The following FBLN5 variants were observed in gnomAD, a reference collection of about 807,000 sequenced individuals.
FBLN5 encodes the protein fibulin-5.
A neutral mutation model predicts 61.6 loss-of-function variants in FBLN5; 24 were observed. The observed-to-expected ratio is 0.39, with a 90% CI of 0.28 to 0.55. The LOEUF (loss-of-function observed/expected upper bound fraction) is 0.55, where lower values mean the gene tolerates loss of function less well. Among genes scored for constraint, FBLN5 ranks in the 20% least tolerant of loss-of-function variants. The probability of loss-of-function intolerance (pLI) is 0.65; values close to 1 mark genes in which losing one functional copy is unlikely to be tolerated. For synonymous variants in FBLN5, 213 were observed against 219.8 expected (o/e 0.97, Z 0.27); for missense variants, 470 against 594.1 (o/e 0.79, Z 2.17).
intron 4 of FBLN5, among the ~76,000 whole-genome samples, chr14:91,904,981 C>T (rs1890621166): frequency 6.6e-6 from 1 of 152,170 alleles, no homozygotes; most frequent in South Asian, 2.1e-4. Context: ...ATACACCTTC[C>T]TGGCCTGAAA....
intron 9 of FBLN5, 151 bp downstream of exon 9, chr14:91,881,141 A>C (rs969601721): frequency 1.3e-6 from 1 of 747,384 alleles, no homozygotes; most frequent in South Asian, 1.5e-5. Context: ...ACACACACAC[A>C]CACACACACA....
At chr14:91,887,560 C>T (rs1416622771) in intron 6 of FBLN5, among the ~76,000 whole-genome samples, 3 of 152,078 alleles carry the variant, frequency 2.0e-5, no homozygotes, top group South Asian at 4.2e-4. Context: ...CATATGTATA[C>T]ACATGATATA....
intron 9 of FBLN5, among the ~76,000 whole-genome samples, chr14:91,878,433 C>G (rs975449763): frequency 2.0e-5 from 3 of 152,290 alleles, no homozygotes; most frequent in Admixed American, 6.5e-5. Context: ...CCTAACACCC[C>G]CTTCCTCTGT....
chr14:91,943,888 A>G lies in FBLN5; in HGVS notation c.18-927T>C, dbSNP rs1397739825. Among the ~76,000 whole-genome samples, 2 of 151,990 alleles carry G rather than the reference A, an allele frequency of 1.3e-5. No individual in the cohort carries two copies. Among genetic ancestry groups the G allele is most frequent in the Non-Finnish European group, 2.9e-5 (2 of 67,992 alleles). On this transcript the variant is annotated intron_variant, in intron 1 of 10. Coordinates refer to ENST00000342058, the MANE Select transcript of FBLN5 (RefSeq NM_006329.4). The surrounding 1 kb of genome is among the most constrained non-coding windows in gnomAD (Gnocchi z 4.0). ...ACCTGCACAGCCCAGGGAAAATGAA[A>G]CCCGCGGGAAAACAGGAGGAGGAGT...
At chr14:91,894,449 C>G (rs1396900190) in intron 5 of FBLN5, among the ~76,000 whole-genome samples, 2 of 132,770 alleles carry the variant, frequency 1.5e-5, no homozygotes, top group African/African-American at 5.5e-5. Context: ...CATTCAAGGC[C>G]GTGCGTGGTG....
rs1216984170 is a variant in FBLN5 at position 91,947,566 on chromosome 14, A to G, written c.-337T>C. 4.7e-6 allele frequency: 2 copies of G among 425,690 alleles called. No homozygotes were observed. Among genetic ancestry groups the G allele is most frequent in the Non-Finnish European group, 8.7e-6 (2 of 230,822 alleles). 26.4% of individuals were successfully genotyped at this position (425,690 alleles called of 1,614,324 possible). Reference sequence around the variant, plus strand: ...CTCAGTCTGGACACAGCTGGTTCAGATTACAGCGCTCACCAACTGGCTAGA... The same window carrying G: ...CTCAGTCTGGACACAGCTGGTTCAGGTTACAGCGCTCACCAACTGGCTAGA... On this transcript the variant is annotated 5_prime_UTR_variant, in exon 1 of 11. Coordinates refer to ENST00000342058, the MANE Select transcript of FBLN5 (RefSeq NM_006329.4). This position sits in a 1 kb window ranked among gnomAD's most constrained non-coding sequence, Gnocchi z 4.3.
intron 4 of FBLN5, among the ~76,000 whole-genome samples, chr14:91,905,164 C>T (rs191065724): frequency 6.6e-6 from 1 of 152,168 alleles, no homozygotes; most frequent in Non-Finnish European, 1.5e-5. Flanking sequence ...CGCACGTGCA[C>T]CCTTCCCATG....
intron 4 of FBLN5, among the ~76,000 whole-genome samples, chr14:91,898,924 C>T (rs1890340080): frequency 6.6e-6 from 1 of 151,472 alleles, no homozygotes; most frequent in South Asian, 2.1e-4. Context: ...GCCTCAGCCT[C>T]CCGAGTAGCT....
intron 3 of FBLN5, 139 bp downstream of exon 3, chr14:91,940,426 A>G: frequency 1.3e-6 from 1 of 756,388 alleles, no homozygotes; most frequent in Non-Finnish European, 2.3e-6. Context: ...ATAAAAGGGC[A>G]CCACTGACTT....
At position 91,937,005 on chromosome 14, in the gene FBLN5, G is replaced by C; in HGVS notation, c.321C>G (p.Ile107Met). The change falls in exon 4 of 11, where the codon ATC becomes ATG. Residue 107 changes from isoleucine (I) to methionine (M), a missense_variant. By Grantham distance (10) the Ile-to-Met change is conservative (BLOSUM62 1). Coordinates refer to ENST00000342058, the MANE Select transcript of FBLN5 (RefSeq NM_006329.4). ...CAAAGCGGCATATAAGAGGCCTGGA[G>C]ATCGTGGGATAGTTTGGAGCTGAGA... ...PPLSAPNYPT[I>M]SRPLICRFGY... The C allele has an allele frequency of 6.2e-7, 1 of 1,614,194 alleles. No individual in the cohort carries two copies. The highest frequency in any genetic ancestry group is 2.2e-5 in the East Asian group (1 of 44,884).
chr14:91,925,806 T>C (rs1199596233), intron 4 of FBLN5, among the ~76,000 whole-genome samples: 1 of 152,234 alleles, frequency 6.6e-6, no homozygotes, highest in Non-Finnish European at 1.5e-5. Flanking sequence ...GCTGCCGTGG[T>C]ACCCAGCGTC....
At chr14:91,919,152 G>A (rs2055680615) in intron 4 of FBLN5, among the ~76,000 whole-genome samples, 1 of 151,982 alleles carries the variant, frequency 6.6e-6, no homozygotes, top group African/African-American at 2.4e-5. Flanking sequence ...CCAACATGGT[G>A]AAACCCTGCC....
chr14:91,903,189 T>C (rs1424401617), intron 4 of FBLN5, among the ~76,000 whole-genome samples: 1 of 152,238 alleles, frequency 6.6e-6, no homozygotes, highest in Non-Finnish European at 1.5e-5. Flanking sequence ...TTGTTATTTT[T>C]GGAGTCTTAT....
chr14:91,922,378 T>C (rs2140025447), intron 4 of FBLN5, among the ~76,000 whole-genome samples: 1 of 152,018 alleles, frequency 6.6e-6, no homozygotes, highest in African/African-American at 2.4e-5. Context: ...AGAACATTCC[T>C]AGGCCTGCCT....
At chr14:91,923,654 G>A (rs547658640) in intron 4 of FBLN5, among the ~76,000 whole-genome samples, 22 of 152,222 alleles carry the variant, frequency 1.4e-4, no homozygotes, top group African/African-American at 4.8e-4. Flanking sequence ...ATAGCACCTG[G>A]GACATATTGC....
intron 4 of FBLN5, among the ~76,000 whole-genome samples, chr14:91,935,193 C>T (rs536710655): frequency 6.6e-6 from 1 of 152,316 alleles, no homozygotes; most frequent in Admixed American, 6.5e-5. Flanking sequence ...GTCAGAGGGA[C>T]CAGGGGAGGA....
intron 4 of FBLN5, among the ~76,000 whole-genome samples, chr14:91,917,302 G>A (rs1891234788): frequency 6.6e-6 from 1 of 152,182 alleles, no homozygotes; most frequent in African/African-American, 2.4e-5. Flanking sequence ...AATTAGGCTG[G>A]GTGTGGTGGC....
At chr14:91,942,625 A>T (rs950911685) in intron 2 of FBLN5, among the ~76,000 whole-genome samples, 1 of 152,192 alleles carries the variant, frequency 6.6e-6, no homozygotes. Flanking sequence ...CATCCTGCAC[A>T]TGTACCCTAG....
intron 3 of FBLN5, among the ~76,000 whole-genome samples, chr14:91,940,285 C>G (rs911705908): frequency 6.6e-6 from 1 of 152,192 alleles, no homozygotes; most frequent in African/African-American, 2.4e-5. Context: ...GTTTAAGCCA[C>G]TAAGTTGGTG....
Sources: gnomAD v4.1 joint callset for allele counts (sites outside exome capture counted in the v4.1 genomes callset) on GRCh38, gnomAD v4.1.1 for gene constraint, Gnocchi (gnomAD v3.1) non-coding constraint, MANE v1.5 for transcripts, NCBI Gene and HGNC (gene_info 2026-07-23, HGNC 2026-07-21) for gene names.